Variants in SYNPR observed in about 807,000 individuals in gnomAD.
The protein encoded by SYNPR is synaptoporin.
SYNPR carries 23 observed loss-of-function variants against 32.9 expected under a neutral mutation model. That is an observed-to-expected ratio of 0.70 (90% CI 0.50 to 0.99). The LOEUF (loss-of-function observed/expected upper bound fraction) is 0.99. SYNPR is among the 50% of genes least tolerant of loss of function. SYNPR has a pLI of 0.00. For missense variants in SYNPR, 318 were observed against 349.3 expected (o/e 0.91, Z 0.71); for synonymous variants, 146 against 135.9 (o/e 1.07, Z -0.52).
chr3:63,480,907 A>G lies in SYNPR; in HGVS notation c.160A>G (p.Lys54Glu). 6.2e-7 allele frequency: 1 copy of G among 1,613,586 alleles called. No homozygotes were observed. Among genetic ancestry groups the G allele is most frequent in the Non-Finnish European group, 8.5e-7 (1 of 1,179,588 alleles). The part of the protein sequence containing the change: ...GLRLSVDCVN[K>E]TESNLSIDIA... ...GCGGCTGAGTGTGGACTGCGTCAAC[A>G]AGACAGAAAGTAACCTCAGCATCGA... The change falls in exon 3 of 6, where the codon AAG becomes GAG. Residue 54 changes from lysine (K) to glutamate (E), a missense_variant. Coordinates refer to ENST00000478300, the MANE Select transcript of SYNPR (RefSeq NM_001130003.2).
chr3:63,443,236 T>G (rs1211952470), intron 2 of SYNPR: 1 of 1,405,678 alleles, frequency 7.1e-7, no homozygotes, highest in East Asian at 2.6e-5. Context: ...ATGACCGTTT[T>G]GCCATCTCTC....
chr3:63,521,087 T>A (rs1302329732), intron 3 of SYNPR, among the ~76,000 whole-genome samples: 1 of 152,192 alleles, frequency 6.6e-6, no homozygotes, highest in Admixed American at 6.5e-5. Context: ...ACAGCAGAAC[T>A]TCCCCAGCTA....
At chr3:63,390,716 TTAA>T (rs1461917751) in intron 2 of SYNPR, among the ~76,000 whole-genome samples, 1 of 152,208 alleles carries the variant, frequency 6.6e-6, no homozygotes, top group Non-Finnish European at 1.5e-5. Flanking sequence ...TTTAACTGTC[TTAA>T]AAATGCACCC....
chr3:63,293,434 A>G (rs1054628785), intron 2 of SYNPR, among the ~76,000 whole-genome samples: 1 of 152,216 alleles, frequency 6.6e-6, no homozygotes, highest in Non-Finnish European at 1.5e-5. Flanking sequence ...TCTTCCACTG[A>G]GAGATAACCT....
intron 2 of SYNPR, among the ~76,000 whole-genome samples, chr3:63,259,364 G>T (rs2086417460): frequency 6.6e-6 from 1 of 152,122 alleles, no homozygotes; most frequent in South Asian, 2.1e-4. Context: ...ACATCAAAAA[G>T]CTTATCCACC....
intron 2 of SYNPR, among the ~76,000 whole-genome samples, chr3:63,431,894 T>C (rs1700004113): frequency 6.6e-6 from 1 of 151,776 alleles, no homozygotes. Flanking sequence ...CTGTATGCAT[T>C]GCAGCAGGCA....
intron 2 of SYNPR, among the ~76,000 whole-genome samples, chr3:63,396,708 C>T (rs552897165): frequency 2.0e-5 from 3 of 152,250 alleles, no homozygotes; most frequent in South Asian, 4.1e-4. Context: ...ATATTTCATA[C>T]CTGCATTTTC....
Position 63,431,563 on chromosome 3 carries a change from G to GT in SYNPR, c.85-49263dup, listed in dbSNP as rs1237296967. On this transcript the variant is annotated intron_variant, in intron 2 of 5. Transcript: ENST00000478300. ...AAGGATGGAAGTGGTAATTTATCTGGTTTTTTGAAGGAAAAGTAGAGTCAT... is the reference window on the plus strand; with the variant it reads ...AAGGATGGAAGTGGTAATTTATCTGGTTTTTTTGAAGGAAAAGTAGAGTCAT... Among the ~76,000 whole-genome samples the GT allele has an allele frequency of 5.3e-5, 8 of 152,150 alleles. No homozygotes were observed. The East Asian group carries it at 1.5e-3, about 29-fold the overall frequency.
intron 2 of SYNPR, among the ~76,000 whole-genome samples, chr3:63,373,700 A>G (rs2087848317): frequency 6.6e-6 from 1 of 152,192 alleles, no homozygotes; most frequent in South Asian, 2.1e-4. Context: ...TGGAAAGGTC[A>G]ACATTCAAAT....
chr3:63,463,529 TGTC>T (rs1700624679), intron 2 of SYNPR, among the ~76,000 whole-genome samples: 1 of 152,168 alleles, frequency 6.6e-6, no homozygotes, highest in African/African-American at 2.4e-5. Flanking sequence ...TCACCAGTTG[TGTC>T]ACCTTATAAG....
At chr3:63,447,684 C>T (rs1049123711) in intron 2 of SYNPR, among the ~76,000 whole-genome samples, 5 of 151,936 alleles carry the variant, frequency 3.3e-5, no homozygotes, top group African/African-American at 7.2e-5. Flanking sequence ...AAAATGGAAA[C>T]ACCTCAGTCT....
chr3:63,205,431 T>A, the SYNPR span, among the ~76,000 whole-genome samples: 1 of 152,348 alleles, frequency 6.6e-6, no homozygotes, highest in African/African-American at 2.4e-5. Flanking sequence ...ATACTTAGCC[T>A]AGTGCCTAAA....
Position 63,313,990 on chromosome 3 carries a change from CAT to C in SYNPR, c.84+35261_84+35262del, listed in dbSNP as rs1157626542. 8.2e-3 allele frequency among the ~76,000 whole-genome samples: 21 copies of C among 2,576 alleles called. 2 individuals carry two copies. Among genetic ancestry groups the C allele is most frequent in the Non-Finnish European group, 0.02 (15 of 736 alleles). The allele number at this position is 2,576 out of a possible 152,430, so 1.7% of individuals were successfully genotyped here. A position where few individuals can be genotyped will look rare whatever the true frequency, so the allele number is the denominator to read the frequency against. ...ATATATATCCATATATATATATATC[CAT>C]ATATATATATATCCATATATATATA... On this transcript the variant is annotated intron_variant, in intron 2 of 5. Transcript: ENST00000478300.
intron 2 of SYNPR, among the ~76,000 whole-genome samples, chr3:63,432,216 C>A (rs1160900343): frequency 6.6e-6 from 1 of 152,168 alleles, no homozygotes. Flanking sequence ...CCCTTCATTT[C>A]CCTGTCTCAA....
At chr3:63,532,898 A>G (rs1242254467) in intron 3 of SYNPR, among the ~76,000 whole-genome samples, 1 of 152,196 alleles carries the variant, frequency 6.6e-6, no homozygotes, top group Non-Finnish European at 1.5e-5. Context: ...TGCAAACTCC[A>G]TTTCCTGGAG....
intron 2 of SYNPR, among the ~76,000 whole-genome samples, chr3:63,453,647 C>T (rs1240045438): frequency 6.6e-6 from 1 of 152,098 alleles, no homozygotes; most frequent in African/African-American, 2.4e-5. Flanking sequence ...GAGGAACTGA[C>T]ACTGGAATGG....
At chr3:63,496,773 T>C (rs1301813376) in intron 3 of SYNPR, among the ~76,000 whole-genome samples, 1 of 151,954 alleles carries the variant, frequency 6.6e-6, no homozygotes, top group Non-Finnish European at 1.5e-5. Flanking sequence ...TTATATCTAA[T>C]CACTGGCATA....
intron 2 of SYNPR, among the ~76,000 whole-genome samples, chr3:63,426,995 T>G (rs17031737): frequency 0.13 from 20,306 of 152,112 alleles, 1,441 homozygotes; most frequent in Middle Eastern, 0.17. Flanking sequence ...ATAAATATGC[T>G]TCTTGGGTAT....
chr3:63,283,623 CTTTTTTTTTTT>C (rs10650958), intron 2 of SYNPR, among the ~76,000 whole-genome samples: 1 of 111,530 alleles, frequency 9.0e-6, no homozygotes, highest in Non-Finnish European at 1.7e-5. Context: ...ACAGATAATT[CTTTTTTTTTTT>C]TTTTTTTTGA....
Sources: gnomAD v4.1 joint callset for allele counts (sites outside exome capture counted in the v4.1 genomes callset) on GRCh38, gnomAD v4.1.1 for gene constraint, MANE v1.5 for transcripts, NCBI Gene and HGNC (gene_info 2026-07-23, HGNC 2026-07-21) for gene names.